PRR33: variants seen among roughly 807,000 people sequenced by gnomAD.
PRR33 encodes proline rich 33, also known as proline-rich protein 33.
Under a neutral mutation model 0.5 loss-of-function variants are expected in PRR33, and 1 was observed. The ratio of observed to expected loss-of-function variants is 2.18; its 90% CI spans 0.77 to 10.34. The LOEUF is 10.34. Among genes scored for constraint, PRR33 ranks in the 30% most tolerant of loss-of-function variants. PRR33 has a pLI of 0.13. For synonymous variants in PRR33, 226 were observed against 110.0 expected (o/e 2.06, Z -6.60); for missense variants, 552 against 251.8 (o/e 2.19, Z -8.07).
chr11:1,914,479 TTGTG>T, the PRR33 span, among the ~76,000 whole-genome samples: 1,367 of 145,980 alleles, frequency 9.4e-3, 14 homozygotes, highest in South Asian at 0.049. Context: ...ATGTTTTTCT[TTGTG>T]TGTGTGTGTG....
the PRR33 span, among the ~76,000 whole-genome samples, chr11:1,903,556 T>C: frequency 2.0e-5 from 3 of 152,224 alleles, no homozygotes; most frequent in African/African-American, 7.2e-5. Flanking sequence ...TTAGGAGCCC[T>C]TGTTTTTAGG....
At chr11:1,908,034 G>C in the PRR33 span, 1 of 152,210 alleles carries the variant, frequency 6.6e-6, no homozygotes, top group Admixed American at 6.5e-5. Flanking sequence ...GTAGCTGTGT[G>C]ACCTTCAGGA....
chr11:1,903,824 C>G, the PRR33 span, among the ~76,000 whole-genome samples: 1 of 152,092 alleles, frequency 6.6e-6, no homozygotes, highest in African/African-American at 2.4e-5. Context: ...AAAAAGAAAC[C>G]AAGAGAGTAG....
chr11:1,908,021 C>T, the PRR33 span: 1 of 152,178 alleles, frequency 6.6e-6, no homozygotes, highest in Admixed American at 6.5e-5. Context: ...ACTGCACTGC[C>T]TCGTAGCTGT....
At chr11:1,903,557 T>C in the PRR33 span, among the ~76,000 whole-genome samples, 1 of 152,218 alleles carries the variant, frequency 6.6e-6, no homozygotes, top group Non-Finnish European at 1.5e-5. Context: ...TAGGAGCCCT[T>C]GTTTTTAGGT....
the PRR33 span, among the ~76,000 whole-genome samples, chr11:1,901,077 C>T: frequency 3.3e-5 from 5 of 152,046 alleles, no homozygotes; most frequent in African/African-American, 4.8e-5. Context: ...TTTGGGAGGC[C>T]GAGGTGAGCA....
the PRR33 span, among the ~76,000 whole-genome samples, chr11:1,914,882 G>GT: frequency 1.0e-5 from 1 of 96,268 alleles, no homozygotes; most frequent in African/African-American, 4.1e-5. Flanking sequence ...TGTGTGTGTT[G>GT]TGAGGTCACA....
upstream of PRR33, among the ~76,000 whole-genome samples, chr11:1,896,535 G>T (rs1210356920): frequency 6.6e-6 from 1 of 152,172 alleles, no homozygotes; most frequent in East Asian, 1.9e-4. Flanking sequence ...GTTCTTGCAG[G>T]TTTTTCTTTT....
exon 1 of PRR33, chr11:1,889,185 T>A: frequency 1.5e-6 from 1 of 675,728 alleles, no homozygotes; most frequent in Non-Finnish European, 2.7e-6. Flanking sequence ...GTTGAAGTTC[T>A]TGGGCTGGGG....
the PRR33 span, among the ~76,000 whole-genome samples, chr11:1,912,627 C>T: frequency 5.9e-5 from 9 of 152,070 alleles, no homozygotes; most frequent in Non-Finnish European, 1.3e-4. Context: ...ATTTTTAAGC[C>T]AGAGTCTCAC....
the PRR33 span, among the ~76,000 whole-genome samples, chr11:1,911,108 T>C: frequency 1.3e-5 from 2 of 152,208 alleles, no homozygotes; most frequent in Admixed American, 6.5e-5. Context: ...TACCAATCTC[T>C]TTATTCTCTG....
At chr11:1,890,680 G>A in exon 1 of PRR33, 1 of 631,338 alleles carries the variant, frequency 1.6e-6, no homozygotes, top group Admixed American at 2.4e-5. Flanking sequence ...GGAGGACCTG[G>A]GGCCAGGGGT....
upstream of PRR33, among the ~76,000 whole-genome samples, chr11:1,896,050 C>G (rs971029495): frequency 6.6e-6 from 1 of 152,128 alleles, no homozygotes; most frequent in Admixed American, 6.5e-5. Context: ...ATTTCTGGAC[C>G]GTTTTCTTTT....
the PRR33 span, among the ~76,000 whole-genome samples, chr11:1,914,150 G>A: frequency 6.6e-6 from 1 of 152,272 alleles, no homozygotes; most frequent in African/African-American, 2.4e-5. Context: ...ACTCCCATGT[G>A]CAGGCCTGCT....
At chr11:1,915,625 C>CTG in the PRR33 span, among the ~76,000 whole-genome samples, 2 of 1,234 alleles carry the variant, frequency 1.6e-3, no homozygotes, top group African/African-American at 4.5e-3. Context: ...GGTGATGTTT[C>CTG]TGTGTGTGTG....
chr11:1,899,860 G>A, the PRR33 span, among the ~76,000 whole-genome samples: 2 of 151,970 alleles, frequency 1.3e-5, no homozygotes, highest in African/African-American at 4.8e-5. Context: ...CAGAAAACAC[G>A]CATTGAAAAT....
chr11:1,890,713 T>C, exon 1 of PRR33: 1 of 607,188 alleles, frequency 1.6e-6, no homozygotes, highest in Admixed American at 2.8e-5. Context: ...GTATTCTGCT[T>C]CCTGAGCACC....
chr11:1,892,971 A>G (rs191216254), upstream of PRR33, among the ~76,000 whole-genome samples: 1 of 142,164 alleles, frequency 7.0e-6, no homozygotes, highest in Admixed American at 7.0e-5. Context: ...GGATATGTGG[A>G]TGAGTGAATG....
At chr11:1,898,834 C>G in the PRR33 span, among the ~76,000 whole-genome samples, 1 of 152,082 alleles carries the variant, frequency 6.6e-6, no homozygotes, top group Non-Finnish European at 1.5e-5. Flanking sequence ...AACCCTGTCT[C>G]TACTAAAAAT....
Sources: allele counts gnomAD v4.1 joint callset (sites outside exome capture counted in the v4.1 genomes callset), GRCh38; gene constraint gnomAD v4.1.1; transcripts MANE v1.5; gene names NCBI Gene and HGNC (gene_info 2026-07-23, HGNC 2026-07-21).